The following PCCA variants were observed in gnomAD, a reference collection of about 807,000 sequenced individuals.
The protein encoded by PCCA is propionyl-CoA carboxylase alpha chain, mitochondrial.
In PCCA, 74 loss-of-function variants were observed where a neutral mutation model predicts 101.3. The ratio of observed to expected loss-of-function variants is 0.73; its 90% CI spans 0.61 to 0.89. PCCA has a LOEUF of 0.89. Ranked by LOEUF, PCCA falls within the 40% of genes least tolerant of loss-of-function variation. The pLI, the probability that PCCA is intolerant of heterozygous loss-of-function variation, is 0.00. For synonymous variants in PCCA, 294 were observed against 313.6 expected (o/e 0.94, Z 0.66); for missense variants, 891 against 907.0 (o/e 0.98, Z 0.23).
chr13:100,294,713 C>T (rs980107070), intron 12 of PCCA, among the ~76,000 whole-genome samples: 1 of 152,100 alleles, frequency 6.6e-6, no homozygotes, highest in African/African-American at 2.4e-5. Flanking sequence ...TGCTGTTGGA[C>T]TATTTAGGAA....
intron 7 of PCCA, among the ~76,000 whole-genome samples, chr13:100,222,608 C>T (rs998959661): frequency 2.6e-5 from 4 of 152,038 alleles, no homozygotes; most frequent in Non-Finnish European, 4.4e-5. Context: ...TAAATAGTAC[C>T]GAATTTTGGA....
At chr13:100,371,318 G>C (rs9585424) in intron 19 of PCCA, among the ~76,000 whole-genome samples, 4,449 of 152,276 alleles carry the variant, frequency 0.029, 201 homozygotes, top group African/African-American at 0.099. Context: ...ACAATAGAAT[G>C]AAAAGGACTA....
At chr13:100,425,301 A>T (rs1312759982) in intron 19 of PCCA, among the ~76,000 whole-genome samples, 1 of 152,222 alleles carries the variant, frequency 6.6e-6, no homozygotes, top group Admixed American at 6.5e-5. Context: ...GGGTTGCAAG[A>T]TGTCACTGGA....
chr13:100,530,178 C>T lies in PCCA; in HGVS notation c.*12C>T, dbSNP rs771320826. On this transcript the variant is annotated 3_prime_UTR_variant, in exon 24 of 24. Coordinates refer to ENST00000376285, the MANE Select transcript of PCCA (RefSeq NM_000282.4). Reference sequence around the variant, plus strand: ...TGGAGCTGGAATGAAGGATTTATAACCTTTCAGTCATCACCCAATTTAATT... The same window carrying T: ...TGGAGCTGGAATGAAGGATTTATAATCTTTCAGTCATCACCCAATTTAATT... 4 of 1,603,982 alleles carry T rather than the reference C, an allele frequency of 2.5e-6. No individual in the cohort carries two copies. The highest frequency in any genetic ancestry group is 2.7e-5 in the African/African-American group (2 of 74,816).
intron 18 of PCCA, among the ~76,000 whole-genome samples, chr13:100,343,044 A>G (rs1323402942): frequency 1.3e-5 from 2 of 152,098 alleles, no homozygotes; most frequent in Non-Finnish European, 2.9e-5. Flanking sequence ...TAAGTACAAA[A>G]ATTAGCGGGG....
At chr13:100,517,292 C>T (rs1247605865) in intron 22 of PCCA, among the ~76,000 whole-genome samples, 3 of 152,286 alleles carry the variant, frequency 2.0e-5, no homozygotes, top group Admixed American at 6.5e-5. Context: ...GCCAGATCAG[C>T]GCAGCCTTCT....
intron 21 of PCCA, among the ~76,000 whole-genome samples, chr13:100,457,487 A>G (rs1376396583): frequency 6.6e-6 from 1 of 152,210 alleles, no homozygotes; most frequent in Non-Finnish European, 1.5e-5. Flanking sequence ...AGCAGTGGTC[A>G]GGATACCATT....
intron 19 of PCCA, among the ~76,000 whole-genome samples, chr13:100,421,986 A>C (rs1457521850): frequency 6.7e-6 from 1 of 150,308 alleles, no homozygotes; most frequent in Admixed American, 6.6e-5. Context: ...CACCCAACCC[A>C]TGATTTTTTA....
At chr13:100,188,090 C>T (rs1010830313) in intron 6 of PCCA, among the ~76,000 whole-genome samples, 11 of 152,108 alleles carry the variant, frequency 7.2e-5, no homozygotes, top group South Asian at 2.1e-4. Flanking sequence ...GTCAAGAGAT[C>T]GAGACCACCC....
intron 18 of PCCA, among the ~76,000 whole-genome samples, chr13:100,348,742 TTCTTTCTTTC>T (rs1480354533): frequency 2.4e-5 from 1 of 41,730 alleles, no homozygotes; most frequent in Non-Finnish European, 5.1e-5. Context: ...CTTTCTTTCT[TTCTTTCTTTC>T]TTTCTTTCTT....
At chr13:100,516,249 A>G (rs2086821574) in intron 22 of PCCA, among the ~76,000 whole-genome samples, 1 of 152,246 alleles carries the variant, frequency 6.6e-6, no homozygotes, top group African/African-American at 2.4e-5. Flanking sequence ...TTCCAGGTAC[A>G]CTTAAATACT....
chr13:100,096,153 G>T lies in PCCA; in HGVS notation c.106-6730G>T, dbSNP rs752746833. Among the ~76,000 whole-genome samples the T allele has an allele frequency of 3.8e-4, 58 of 151,386 alleles. 1 individual carries two copies. Among genetic ancestry groups the T allele is most frequent in the African/African-American group, 7.3e-4 (30 of 41,320 alleles). The stretch of plus-strand genomic sequence containing the variant: ...ACCCTGCAGATACTGCTTTTTTTTT[G>T]TTGTTTTTACAGATTGAGGGTTTGT... On this transcript the variant is annotated intron_variant, in intron 1 of 23. Coordinates refer to ENST00000376285, the MANE Select transcript of PCCA (RefSeq NM_000282.4).
intron 18 of PCCA, among the ~76,000 whole-genome samples, chr13:100,363,210 T>G (rs1178931958): frequency 6.6e-6 from 1 of 152,170 alleles, no homozygotes; most frequent in African/African-American, 2.4e-5. Context: ...AATTGCTGAA[T>G]TTTTATCTTC....
intron 7 of PCCA, among the ~76,000 whole-genome samples, chr13:100,216,475 G>T (rs1411877484): frequency 6.6e-6 from 1 of 152,246 alleles, no homozygotes. Context: ...TGATGGCAGG[G>T]ATGCTGCTCT....
At chr13:100,367,777 T>C (rs185832487) in intron 18 of PCCA, among the ~76,000 whole-genome samples, 199 of 150,970 alleles carry the variant, frequency 1.3e-3, no homozygotes, top group African/African-American at 4.5e-3. Context: ...ACCAAAATAG[T>C]GAAACCCCAT....
In PCCA at chr13:100,245,388, G is replaced by A. The variant is rs572913108; in HGVS notation, c.637+9510G>A. 2.0e-5 allele frequency among the ~76,000 whole-genome samples: 3 copies of A among 152,228 alleles called. No homozygotes were observed. The East Asian group carries it at 5.8e-4, about 29-fold the overall frequency. On this transcript the variant is annotated intron_variant, in intron 8 of 23. Transcript: ENST00000376285. ...TATGCTAAATTTAATTGGAGTTTGT[G>A]GAGTTGTCATTAGTTCACCAGACCT...
At chr13:100,164,051 T>G (rs1043911825) in intron 6 of PCCA, among the ~76,000 whole-genome samples, 2 of 152,228 alleles carry the variant, frequency 1.3e-5, no homozygotes, top group African/African-American at 4.8e-5. Flanking sequence ...GTCATATGTA[T>G]TTCATCTGCA....
At chr13:100,430,310 A>G (rs1212652157) in intron 20 of PCCA, among the ~76,000 whole-genome samples, 2 of 151,854 alleles carry the variant, frequency 1.3e-5, no homozygotes, top group African/African-American at 2.4e-5. Flanking sequence ...TATCAGTGCT[A>G]TTTGTATCAT....
rs563936918 is a variant in PCCA, at chr13:100,150,567, C to T, written c.301-4412C>T. ...CCAATAGTGTGGTGGAACTTACGGCCGTTTCCAAGGGCCAGGGCTCTTTTG... is the reference window on the plus strand; with the variant it reads ...CCAATAGTGTGGTGGAACTTACGGCTGTTTCCAAGGGCCAGGGCTCTTTTG... On this transcript the variant is annotated intron_variant, in intron 4 of 23. Transcript: ENST00000376285. 137 of 1,259,222 alleles carry T rather than the reference C, an allele frequency of 1.1e-4. No individual in the cohort carries two copies. The African/African-American group carries it at 1.7e-3, about 16-fold the overall frequency. 78.0% of individuals were successfully genotyped at this position (1,259,222 alleles called of 1,614,324 possible). A position where few individuals can be genotyped will look rare whatever the true frequency, so the allele number is the denominator to read the frequency against.
Sources: allele counts gnomAD v4.1 joint callset (sites outside exome capture counted in the v4.1 genomes callset), GRCh38; gene constraint gnomAD v4.1.1; transcripts MANE v1.5; gene names NCBI Gene and HGNC (gene_info 2026-07-23, HGNC 2026-07-21).